Variants in SNED1 observed in about 807,000 individuals in gnomAD.
The protein encoded by SNED1 is sushi, nidogen and EGF-like domain-containing protein 1.
A neutral mutation model predicts 166.7 loss-of-function variants in SNED1; 81 were observed. The ratio of observed to expected loss-of-function variants is 0.49; its 90% confidence interval spans 0.41 to 0.58. SNED1 has a LOEUF of 0.58. Among genes scored for constraint, SNED1 ranks in the 20% least tolerant of loss-of-function variants. The pLI is 0.00. For synonymous variants in SNED1, 762 were observed against 822.0 expected (o/e 0.93, Z 1.25); for missense variants, 1,604 against 2,000.2 (o/e 0.80, Z 3.78).
chr2:241,070,867 G>A (rs2062675927), intron 24 of SNED1, among the ~76,000 whole-genome samples: 1 of 152,222 alleles, frequency 6.6e-6, no homozygotes, highest in East Asian at 1.9e-4. Context: ...CGGCGGGACA[G>A]AGCAGAGCAG....
intron 16 of SNED1, among the ~76,000 whole-genome samples, 163 bp downstream of exon 16, chr2:241,053,489 G>C (rs2061945247): frequency 6.6e-6 from 1 of 152,226 alleles, no homozygotes; most frequent in African/African-American, 2.4e-5. Context: ...GTGGACCTTG[G>C]GGTGACAGTG....
chr2:241,073,542 A>G lies in SNED1; in HGVS notation c.3916+178A>G. 1 of 648,542 alleles carries G rather than the reference A, an allele frequency of 1.5e-6. No individual in the cohort carries two copies. Among genetic ancestry groups the G allele is most frequent in the Non-Finnish European group, 2.8e-6 (1 of 353,026 alleles). The allele number at this position is 648,542 out of a possible 1,614,324, so 40.2% of individuals were successfully genotyped here. ...AAGATGGGGTGAAGCTACACCACCC[A>G]AGCAGTGGGACCCCACAGACGGGAA... On this transcript the variant is annotated intron_variant, in intron 27 of 31. Coordinates refer to ENST00000310397, the MANE Select transcript of SNED1 (RefSeq NM_001080437.3). The surrounding 1 kb of genome is among the most constrained non-coding windows in gnomAD (Gnocchi z 6.6).
rs1413304025 is a variant in SNED1, at chr2:241,073,449, A to G, written c.3916+85A>G. Reference sequence around the variant, plus strand: ...AGGCTGCAGGCAGGAGGGACCACCCACGGTGAGGAATCAGGAGGCACAGAG... The same window carrying G: ...AGGCTGCAGGCAGGAGGGACCACCCGCGGTGAGGAATCAGGAGGCACAGAG... On this transcript the variant is annotated intron_variant, in intron 27 of 31. Coordinates refer to ENST00000310397, the MANE Select transcript of SNED1 (RefSeq NM_001080437.3). This position sits in a 1 kb window ranked among gnomAD's most constrained non-coding sequence, Gnocchi z 6.6. 1 of 1,113,136 alleles carries G rather than the reference A, an allele frequency of 9.0e-7. No homozygotes were observed. Among genetic ancestry groups the G allele is most frequent in the South Asian group, 1.3e-5 (1 of 75,204 alleles). 69.0% of individuals were successfully genotyped at this position (1,113,136 alleles called of 1,614,324 possible). A position where few individuals can be genotyped will look rare whatever the true frequency, so the allele number is the denominator to read the frequency against.
chr2:241,044,184 ATAGGTTCAGTC>A (rs2061588179), intron 8 of SNED1, among the ~76,000 whole-genome samples: 1 of 152,236 alleles, frequency 6.6e-6, no homozygotes, highest in Admixed American at 6.5e-5. Flanking sequence ...TAGCAAGATG[ATAGGTTCAGTC>A]TAGTCATATT....
At chr2:241,034,438 G>T (rs769128706) in intron 3 of SNED1, 130 bp from the exon 4 acceptor site, 1 of 833,536 alleles carries the variant, frequency 1.2e-6, no homozygotes, top group East Asian at 2.9e-5. Flanking sequence ...TCCCAGGAAC[G>T]GTTGGCTGAG....
At chr2:241,089,772 C>T (rs2063790230) in intron 31 of SNED1, among the ~76,000 whole-genome samples, 1 of 152,230 alleles carries the variant, frequency 6.6e-6, no homozygotes, top group Non-Finnish European at 1.5e-5. Flanking sequence ...TTCATCTGGG[C>T]GAACATCATA....
intron 1 of SNED1, among the ~76,000 whole-genome samples, chr2:241,005,993 T>A (rs1489842377): frequency 2.6e-5 from 4 of 152,164 alleles, no homozygotes; most frequent in Non-Finnish European, 4.4e-5. Flanking sequence ...GTCCTTTCTC[T>A]CCTCTCTTTT....
chr2:241,040,349 T>C lies in SNED1; in HGVS notation c.1209T>C (p.Val403=), dbSNP rs1326544888. The C allele has an allele frequency of 1.2e-6, 2 of 1,609,778 alleles. No individual in the cohort carries two copies. The highest frequency in any genetic ancestry group is 1.7e-6 in the Non-Finnish European group (2 of 1,178,172). The part of the protein sequence containing the change: ...PDPCLNGGSC[V]DLVGNYTCLC... ...CCTGCCTGAATGGAGGCTCTTGTGT[T>C]GACCTAGTGGGGAATTACACCTGCT... The change falls in exon 8 of 32, where the codon GTT becomes GTC. Residue 403 remains valine (V), a synonymous_variant. Coordinates refer to ENST00000310397, the MANE Select transcript of SNED1 (RefSeq NM_001080437.3).
chr2:241,063,590 G>A lies in SNED1; in HGVS notation c.2375G>A (p.Arg792Lys), dbSNP rs2062314508. 1 of 1,598,770 alleles carries A rather than the reference G, an allele frequency of 6.3e-7. No individual in the cohort carries two copies. The highest frequency in any genetic ancestry group is 2.2e-5 in the East Asian group (1 of 44,498). ...GYEGAHCELERDECRAHPCRN... is the reference protein window; with the variant it reads ...GYEGAHCELEKDECRAHPCRN... ...TTGACACCCCTTCTCTGTGCAGAGA[G>A]GGATGAGTGCCGAGCTCACCCGTGC... Residue 792 changes from arginine to lysine, a missense_variant, in exon 18 of 32, where the codon AGG becomes AAG. Arg to Lys is a conservative substitution (Grantham distance 26). Around this residue, in one of 2 missense-constraint regions of SNED1, gnomAD observed 1,237 missense variants for 1,620.8 expected, o/e 0.76. Transcript: ENST00000310397.
intron 1 of SNED1, among the ~76,000 whole-genome samples, chr2:241,022,770 G>T (rs1208572051): frequency 6.6e-6 from 1 of 151,976 alleles, no homozygotes; most frequent in African/African-American, 2.4e-5. Flanking sequence ...TCCCTCCATT[G>T]TTTCTTCTTA....
intron 1 of SNED1, among the ~76,000 whole-genome samples, chr2:241,001,556 G>A (rs138753095): frequency 1.4e-3 from 211 of 152,364 alleles, no homozygotes; most frequent in Non-Finnish European, 2.4e-3. Context: ...AGCGTGGCGC[G>A]CCGAGGAGTG....
rs568729757 is a variant in SNED1, at chr2:241,094,756, C to G, written c.*3120C>G. The stretch of plus-strand genomic sequence containing the variant: ...TTTCACAGCACCCCTGGCCTCTACC[C>G]ACTAGAATCCTACAATCTACCAGAT... On this transcript the variant is annotated 3_prime_UTR_variant, in exon 32 of 32. Transcript: ENST00000310397. The surrounding 1 kb of genome is among the most constrained non-coding windows in gnomAD (Gnocchi z 4.3). The G allele has an allele frequency of 7.1e-5, 12 of 169,506 alleles. 1 individual carries two copies. The highest frequency in any genetic ancestry group is 5.0e-4 in the South Asian group (4 of 8,004). The allele number at this position is 169,506 out of a possible 1,614,324, so 10.5% of individuals were successfully genotyped here. A position where few individuals can be genotyped will look rare whatever the true frequency, so the allele number is the denominator to read the frequency against.
At position 241,095,013 on chromosome 2, in the gene SNED1, A is replaced by G. The variant is rs1366060376; in HGVS notation, c.*3377A>G. ...ATCAAATTCCTCTTCTCTTTTCCCA[A>G]CATTTCAAATTGTTCTTCGGACTCA... On this transcript the variant is annotated 3_prime_UTR_variant, in exon 32 of 32. Coordinates refer to ENST00000310397, the MANE Select transcript of SNED1 (RefSeq NM_001080437.3). 2.0e-5 allele frequency: 3 copies of G among 148,668 alleles called. No homozygotes were observed. The highest frequency in any genetic ancestry group is 7.5e-5 in the African/African-American group (3 of 40,132). The allele number at this position is 148,668 out of a possible 1,614,324, so 9.2% of individuals were successfully genotyped here. A position where few individuals can be genotyped will look rare whatever the true frequency, so the allele number is the denominator to read the frequency against.
intron 8 of SNED1, among the ~76,000 whole-genome samples, chr2:241,044,571 C>A (rs1036066224): frequency 6.6e-6 from 1 of 152,190 alleles, no homozygotes; most frequent in East Asian, 1.9e-4. Flanking sequence ...GGTATCCCCC[C>A]AGCCAGGACT....
In SNED1 at chr2:241,051,642, C is replaced by A; in HGVS notation, c.1736-102C>A. On this transcript the variant is annotated intron_variant, in intron 12 of 31. Transcript: ENST00000310397. This position sits in a 1 kb window ranked among gnomAD's most constrained non-coding sequence, Gnocchi z 4.7. Reference sequence around the variant, plus strand: ...GGCCCCAGGGCTTCGTCGAGAAGGCCCCACCAGCACCAGAGGACTGAGGAG... The same window carrying A: ...GGCCCCAGGGCTTCGTCGAGAAGGCACCACCAGCACCAGAGGACTGAGGAG... 1 of 952,222 alleles carries A rather than the reference C, an allele frequency of 1.1e-6. No individual in the cohort carries two copies. The highest frequency in any genetic ancestry group is 1.5e-6 in the Non-Finnish European group (1 of 669,784). 59.0% of individuals were successfully genotyped at this position (952,222 alleles called of 1,614,324 possible). A position where few individuals can be genotyped will look rare whatever the true frequency, so the allele number is the denominator to read the frequency against.
chr2:241,070,149 C>T lies in SNED1; in HGVS notation c.3537C>T (p.Ser1179=). The change falls in exon 24 of 32, where the codon AGC becomes AGT. Residue 1179 remains serine (S), a synonymous_variant. Coordinates refer to ENST00000310397, the MANE Select transcript of SNED1 (RefSeq NM_001080437.3). ...AGCTCTCTGTGATAGCAGTGCAGAG[C>T]ACGGAGCTCGGGCCGCAGCACAGCG... ...RYQLSVIAVQ[S]TELGPQHSEP... is the part of the protein sequence containing the mutation. The T allele has an allele frequency of 6.2e-7, 1 of 1,609,762 alleles. No homozygotes were observed. Among genetic ancestry groups the T allele is most frequent in the Non-Finnish European group, 8.5e-7 (1 of 1,179,242 alleles).
intron 14 of SNED1, 52 bp from the exon 15 acceptor site, chr2:241,052,303 C>A: frequency 1.3e-6 from 2 of 1,505,014 alleles, no homozygotes; most frequent in Non-Finnish European, 1.8e-6. Context: ...CCCACACAGT[C>A]CCGAGCCTTC....
At chr2:241,025,075 C>T (rs561034961) in intron 1 of SNED1, among the ~76,000 whole-genome samples, 41 of 152,280 alleles carry the variant, frequency 2.7e-4, no homozygotes, top group South Asian at 2.5e-3. Context: ...GGGCTGCAGA[C>T]CAGTACTGGT....
chr2:241,064,337 C>T lies in SNED1; in HGVS notation c.2599+212C>T, dbSNP rs1039499294. On this transcript the variant is annotated intron_variant, in intron 19 of 31. Transcript: ENST00000310397. The surrounding 1 kb of genome is among the most constrained non-coding windows in gnomAD (Gnocchi z 7.0). ...AATGGTGCCTTCTAAACCTCCCCAT[C>T]TCCTGCGCTCACCCCCCAGACACCC... 1.3e-5 allele frequency among the ~76,000 whole-genome samples: 2 copies of T among 152,030 alleles called. No homozygotes were observed. Among genetic ancestry groups the T allele is most frequent in the Non-Finnish European group, 2.9e-5 (2 of 67,974 alleles).
Sources: gnomAD v4.1 joint callset for allele counts (sites outside exome capture counted in the v4.1 genomes callset) on GRCh38, gnomAD v4.1.1 for gene constraint, gnomAD v4.1.1 regional missense constraint, Gnocchi (gnomAD v3.1) non-coding constraint, MANE v1.5 for transcripts, NCBI Gene and HGNC (gene_info 2026-07-23, HGNC 2026-07-21) for gene names.